The following EYS variants were observed in gnomAD, a reference collection of about 807,000 sequenced individuals.
The protein encoded by EYS is protein eyes shut homolog.
EYS carries 250 observed loss-of-function variants against 282.1 expected under a neutral mutation model. The observed-to-expected ratio is 0.89, with a 90% CI of 0.80 to 0.98. The LOEUF (loss-of-function observed/expected upper bound fraction) is 0.98. Among genes scored for constraint, EYS ranks in the 50% least tolerant of loss-of-function variants. The pLI is 0.00. For missense variants in EYS, 4,016 were observed against 3,709.0 expected (o/e 1.08, Z -2.15); for synonymous variants, 1,355 against 1,282.9 (o/e 1.06, Z -1.20).
intron 35 of EYS, among the ~76,000 whole-genome samples, chr6:63,937,340 C>CTTTTTT (rs1457486534): frequency 4.3e-5 from 2 of 46,068 alleles, no homozygotes; most frequent in African/African-American, 6.8e-5. Flanking sequence ...AGGCTTCTCT[C>CTTTTTT]TTTTCTTTTT....
intron 31 of EYS, among the ~76,000 whole-genome samples, chr6:64,199,196 A>C (rs1765388317): frequency 6.6e-6 from 1 of 152,212 alleles, no homozygotes; most frequent in Non-Finnish European, 1.5e-5. Flanking sequence ...CTACAAGGCT[A>C]CAATAACAAA....
At position 64,582,584 on chromosome 6, in the gene EYS, C is replaced by CTT. The variant is rs34078680; in HGVS notation, c.5644+7637_5644+7638dup. ...AGGCTATAGTTTGCCAATCCTTGGT[C>CTT]TTTTTTTTTTTTTTTGCTTGCTATT... On this transcript the variant is annotated intron_variant, in intron 26 of 42. Transcript: ENST00000503581. Among the ~76,000 whole-genome samples, 1,242 of 139,542 alleles carry CTT rather than the reference C, an allele frequency of 8.9e-3. 12 individuals are homozygous for CTT. The highest frequency in any genetic ancestry group is 0.016 in the South Asian group (72 of 4,370). The allele number at this position is 139,542 out of a possible 152,430, so 91.5% of individuals were successfully genotyped here.
chr6:64,148,119 T>A (rs1774581296), intron 31 of EYS, among the ~76,000 whole-genome samples: 1 of 152,182 alleles, frequency 6.6e-6, no homozygotes, highest in African/African-American at 2.4e-5. Context: ...GTGAACTGTT[T>A]GAACACTGAA....
At chr6:64,848,528 G>A (rs928242878) in intron 19 of EYS, among the ~76,000 whole-genome samples, 18 of 151,974 alleles carry the variant, frequency 1.2e-4, no homozygotes, top group African/African-American at 2.9e-4. Context: ...GACTGATAAC[G>A]AATGCGTGAT....
intron 11 of EYS, among the ~76,000 whole-genome samples, chr6:65,302,238 T>A (rs571687661): frequency 4.0e-4 from 61 of 152,338 alleles, no homozygotes; most frequent in African/African-American, 1.3e-3. Context: ...CTGAGAGGTT[T>A]TCTTGGCAAT....
chr6:64,596,943 T>A (rs572003022), intron 24 of EYS, among the ~76,000 whole-genome samples: 1 of 151,984 alleles, frequency 6.6e-6, no homozygotes, highest in Non-Finnish European at 1.5e-5. Flanking sequence ...TGAGAAAAAA[T>A]GTTTTCACAC....
rs74709188 is a variant in EYS at position 64,012,072 on chromosome 6, C to T, written c.6726-12889G>A. Among the ~76,000 whole-genome samples, 1,266 of 150,980 alleles carry T rather than the reference C, an allele frequency of 8.4e-3. 17 individuals are homozygous for T. The highest frequency in any genetic ancestry group is 0.029 in the African/African-American group (1,173 of 40,910). ...CCCCTCCCCTCCTTTCCTTTCTTTC[C>T]TTTCATTTTCTTAGTTAAATGTTAA... On this transcript the variant is annotated intron_variant, in intron 33 of 42. Coordinates refer to ENST00000503581, the MANE Select transcript of EYS (RefSeq NM_001142800.2).
intron 24 of EYS, among the ~76,000 whole-genome samples, chr6:64,610,530 A>G (rs1023100166): frequency 6.7e-6 from 1 of 149,124 alleles, no homozygotes; most frequent in Non-Finnish European, 1.5e-5. Context: ...TGGCCTCTCC[A>G]GTAGTTGGGA....
chr6:64,569,464 G>C (rs979847596), intron 26 of EYS, among the ~76,000 whole-genome samples: 4 of 151,918 alleles, frequency 2.6e-5, no homozygotes, highest in Admixed American at 2.6e-4. Flanking sequence ...AAAAGGAGCC[G>C]GGCGTGGTGG....
intron 11 of EYS, among the ~76,000 whole-genome samples, chr6:65,327,431 T>C (rs7753210): frequency 0.73 from 111,079 of 151,470 alleles, 43,689 homozygotes; most frequent in East Asian, 0.96. Context: ...ATTTTGTGGT[T>C]TGTGATGTTA....
intron 2 of EYS, among the ~76,000 whole-genome samples, chr6:65,593,270 A>C (rs1765295447): frequency 6.6e-6 from 1 of 152,086 alleles, no homozygotes; most frequent in Non-Finnish European, 1.5e-5. Context: ...GACATTTGTT[A>C]AACATAAATG....
intron 12 of EYS, among the ~76,000 whole-genome samples, chr6:65,228,056 G>A (rs1336435704): frequency 6.6e-6 from 1 of 151,398 alleles, no homozygotes; most frequent in African/African-American, 2.4e-5. Flanking sequence ...TTTAAAATGG[G>A]TTAAAATGTT....
intron 12 of EYS, among the ~76,000 whole-genome samples, chr6:65,064,264 T>C (rs1773670759): frequency 7.0e-6 from 1 of 142,322 alleles, no homozygotes; most frequent in Admixed American, 7.2e-5. Flanking sequence ...ATATATCATA[T>C]ATAGTATACT....
intron 26 of EYS, among the ~76,000 whole-genome samples, chr6:64,451,664 A>G (rs1480967242): frequency 2.6e-5 from 4 of 152,196 alleles, no homozygotes; most frequent in African/African-American, 9.6e-5. Flanking sequence ...ATCCACCATG[A>G]TCAAGCGGGC....
intron 31 of EYS, among the ~76,000 whole-genome samples, chr6:64,213,369 G>C (rs1172607129): frequency 2.6e-5 from 4 of 152,132 alleles, no homozygotes; most frequent in African/African-American, 9.7e-5. Context: ...TTTAGTGATA[G>C]ATGAAAATGT....
intron 5 of EYS, among the ~76,000 whole-genome samples, chr6:65,458,461 C>T (rs1338827975): frequency 1.3e-5 from 2 of 152,000 alleles, no homozygotes; most frequent in Non-Finnish European, 2.9e-5. Context: ...TCCTAGCTGT[C>T]AAATAAAGAC....
chr6:63,771,242 G>A (rs754747870), intron 40 of EYS, among the ~76,000 whole-genome samples: 3 of 152,120 alleles, frequency 2.0e-5, no homozygotes, highest in African/African-American at 7.2e-5. Context: ...CTCTGCCTGA[G>A]ACCAGGAGGG....
At chr6:63,883,463 G>C (rs1283973381) in intron 35 of EYS, among the ~76,000 whole-genome samples, 1 of 152,218 alleles carries the variant, frequency 6.6e-6, no homozygotes, top group Admixed American at 6.5e-5. Flanking sequence ...CCCCACGGGG[G>C]AAACTCTCAA....
intron 12 of EYS, among the ~76,000 whole-genome samples, chr6:65,063,914 C>T (rs1192411934): frequency 6.6e-6 from 1 of 151,612 alleles, no homozygotes; most frequent in Non-Finnish European, 1.5e-5. Context: ...CTCTGCTCTG[C>T]AGACTGGACA....
Sources: allele counts gnomAD v4.1 joint callset (sites outside exome capture counted in the v4.1 genomes callset), GRCh38; gene constraint gnomAD v4.1.1; transcripts MANE v1.5; gene names NCBI Gene and HGNC (gene_info 2026-07-23, HGNC 2026-07-21).